RASSF6: variants seen among roughly 807,000 people sequenced by gnomAD.
RASSF6 encodes ras association domain-containing protein 6.
RASSF6 carries 52 observed loss-of-function variants against 44.0 expected under a neutral mutation model. The observed-to-expected ratio is 1.18, with a 90% confidence interval of 0.95 to 1.49. The LOEUF (loss-of-function observed/expected upper bound fraction) is 1.49. RASSF6 is among the 40% of genes most tolerant of loss of function. RASSF6 has a pLI of 0.00. For synonymous variants in RASSF6, 162 were observed against 124.6 expected, an observed-to-expected ratio of 1.30 and a Z score of -2.00; for missense variants, 464 against 393.3, an observed-to-expected ratio of 1.18 and a Z score of -1.52.
rs1313766338 is a variant in RASSF6 at position 73,592,893 on chromosome 4, G to T, written c.287+558C>A. ...CAGAGCAGAGGAGTCAAGACCACAGGCTGTGGACCCCAGACAGAAGTAAGG... is the reference window on the plus strand; with the variant it reads ...CAGAGCAGAGGAGTCAAGACCACAGTCTGTGGACCCCAGACAGAAGTAAGG... On this transcript the variant is annotated intron_variant, in intron 4 of 10. Transcript: ENST00000307439. Among the ~76,000 whole-genome samples, 3 of 152,254 alleles carry T rather than the reference G, an allele frequency of 2.0e-5. No homozygotes were observed. In the East Asian group the frequency reaches 5.8e-4, roughly 29 times the overall value.
At chr4:73,599,823 C>T (rs1000067685) in intron 2 of RASSF6, among the ~76,000 whole-genome samples, 1 of 152,192 alleles carries the variant, frequency 6.6e-6, no homozygotes, top group Non-Finnish European at 1.5e-5. Flanking sequence ...AGCCAACATC[C>T]TTACAATGGC....
chr4:73,611,453 C>T (rs529744172), intron 2 of RASSF6, among the ~76,000 whole-genome samples: 1 of 152,302 alleles, frequency 6.6e-6, no homozygotes, highest in African/African-American at 2.4e-5. Flanking sequence ...TTAGATCTTT[C>T]ACCTAATGCT....
intron 2 of RASSF6, 111 bp from the exon 3 acceptor site, chr4:73,598,829 T>C: frequency 1.9e-6 from 1 of 519,200 alleles, no homozygotes; most frequent in Non-Finnish European, 3.3e-6. Context: ...TAATGGAATC[T>C]TTACTGTTCT....
chr4:73,608,356 A>T (rs1345061915), intron 2 of RASSF6, among the ~76,000 whole-genome samples: 1 of 152,124 alleles, frequency 6.6e-6, no homozygotes, highest in Non-Finnish European at 1.5e-5. Context: ...TTATTAAGTC[A>T]TATTGATATG....
intron 6 of RASSF6, among the ~76,000 whole-genome samples, chr4:73,583,717 C>T (rs1330225985): frequency 6.6e-6 from 1 of 151,992 alleles, no homozygotes; most frequent in Non-Finnish European, 1.5e-5. Flanking sequence ...CCAGCTTGAG[C>T]TCATTCAATC....
At chr4:73,584,308 A>T (rs776358057) in intron 6 of RASSF6, among the ~76,000 whole-genome samples, 2 of 152,152 alleles carry the variant, frequency 1.3e-5, no homozygotes, top group Non-Finnish European at 2.9e-5. Context: ...GCCTCAGAAG[A>T]TACCTGGCAC....
chr4:73,579,407 A>G (rs1723459155), intron 8 of RASSF6, among the ~76,000 whole-genome samples: 1 of 152,226 alleles, frequency 6.6e-6, no homozygotes, highest in African/African-American at 2.4e-5. Flanking sequence ...AGTGTTGCAT[A>G]AAAATATCTT....
chr4:73,610,604 G>A (rs866441113), intron 2 of RASSF6, among the ~76,000 whole-genome samples: 1 of 152,196 alleles, frequency 6.6e-6, no homozygotes, highest in African/African-American at 2.4e-5. Flanking sequence ...GGGCTGTGGA[G>A]TTGCCATTCC....
intron 2 of RASSF6, among the ~76,000 whole-genome samples, chr4:73,599,340 C>T (rs1157296803): frequency 9.2e-5 from 14 of 152,208 alleles, no homozygotes; most frequent in Admixed American, 9.2e-4. Flanking sequence ...AGCTTCTCTC[C>T]TGGCCTGCCC....
At chr4:73,593,380 A>T (rs564466149) in intron 4 of RASSF6, 71 bp downstream of exon 4, 1 of 1,396,876 alleles carries the variant, frequency 7.2e-7, no homozygotes, top group South Asian at 1.3e-5. Context: ...TTCCCTCCTT[A>T]AGAGTGCACG....
intron 8 of RASSF6, among the ~76,000 whole-genome samples, chr4:73,579,729 A>G (rs1351147762): frequency 6.6e-6 from 1 of 150,650 alleles, no homozygotes; most frequent in Non-Finnish European, 1.5e-5. Flanking sequence ...TACTATTTGT[A>G]TCTTTTAAAT....
chr4:73,576,199 T>A lies in RASSF6; in HGVS notation c.*36A>T. On this transcript the variant is annotated 3_prime_UTR_variant, in exon 11 of 11. Transcript: ENST00000307439. Reference sequence around the variant, plus strand: ...TTCATCAAAGAGTAATATCTCTGAGTTTTTTGAAATGTTTTAGCAATAGAA... The same window carrying A: ...TTCATCAAAGAGTAATATCTCTGAGATTTTTGAAATGTTTTAGCAATAGAA... 8.2e-7 allele frequency: 1 copy of A among 1,223,852 alleles called. No homozygotes were observed. The highest frequency in any genetic ancestry group is 1.2e-6 in the Non-Finnish European group (1 of 852,336). 75.8% of individuals were successfully genotyped at this position (1,223,852 alleles called of 1,614,324 possible).
At chr4:73,613,642 CAA>C (rs1218231185) in intron 1 of RASSF6, among the ~76,000 whole-genome samples, 1 of 152,140 alleles carries the variant, frequency 6.6e-6, no homozygotes, top group Non-Finnish European at 1.5e-5. Flanking sequence ...TATACCTTGC[CAA>C]AGAGTTCACT....
chr4:73,585,497 T>G, intron 5 of RASSF6, 133 bp from the exon 6 acceptor site: 1 of 507,704 alleles, frequency 2.0e-6, no homozygotes. Context: ...TATAGTCCAC[T>G]GCTTAGCTGC....
At chr4:73,586,785 G>C (rs1528917) in intron 5 of RASSF6, among the ~76,000 whole-genome samples, 42,102 of 151,298 alleles carry the variant, frequency 0.28, 6,082 homozygotes, top group Admixed American at 0.41. Context: ...TGGAAGGGCC[G>C]ATATTTAACA....
intron 2 of RASSF6, among the ~76,000 whole-genome samples, chr4:73,599,270 G>A (rs1725130901): frequency 6.6e-6 from 1 of 152,226 alleles, no homozygotes; most frequent in South Asian, 2.1e-4. Flanking sequence ...AGAAGTCAAA[G>A]ATCCCAGCTG....
rs538734964 is a variant in RASSF6 at position 73,610,078 on chromosome 4, G to A, written c.65+1653C>T. Among the ~76,000 whole-genome samples, 45 of 152,194 alleles carry A rather than the reference G, an allele frequency of 3.0e-4. 1 individual carries two copies. In the South Asian group the frequency reaches 6.2e-3, roughly 21 times the overall value. On this transcript the variant is annotated intron_variant, in intron 2 of 10. Transcript: ENST00000307439. ...TGTAATGTGTCCAGAACTGAATTCC[G>A]GATCCTCAACTGCAAACCTGCTCCT...
chr4:73,601,505 G>C (rs943185730), intron 2 of RASSF6, among the ~76,000 whole-genome samples: 16 of 152,174 alleles, frequency 1.1e-4, no homozygotes, highest in Admixed American at 6.5e-5. Flanking sequence ...GAATCTTTTT[G>C]ATTATTAATT....
At chr4:73,592,790 C>T (rs1466466766) in intron 4 of RASSF6, among the ~76,000 whole-genome samples, 1 of 152,092 alleles carries the variant, frequency 6.6e-6, no homozygotes, top group Non-Finnish European at 1.5e-5. Flanking sequence ...TTTTGGAGAC[C>T]AGGCCAGGGT....
Sources: allele counts gnomAD v4.1 joint callset (sites outside exome capture counted in the v4.1 genomes callset), GRCh38; gene constraint gnomAD v4.1.1; transcripts MANE v1.5; gene names NCBI Gene and HGNC (gene_info 2026-07-23, HGNC 2026-07-21).